The following AHCYL2 variants were observed in gnomAD, a reference collection of about 807,000 sequenced individuals.
The protein encoded by AHCYL2 is adenosylhomocysteinase like 2, also known as S-adenosylhomocysteine hydrolase-like protein 2.
In AHCYL2, 28 loss-of-function variants were observed where a neutral mutation model predicts 81.4. The observed-to-expected ratio is 0.34, with a 90% CI of 0.25 to 0.47. The LOEUF (loss-of-function observed/expected upper bound fraction) is 0.47, where lower values mean the gene tolerates loss of function less well. Ranked by LOEUF, AHCYL2 falls within the 20% of genes least tolerant of loss-of-function variation. AHCYL2 has a pLI of 1.00. For synonymous variants in AHCYL2, 272 were observed against 290.2 expected, an observed-to-expected ratio of 0.94 and a Z score of 0.64; for missense variants, 551 against 785.1, an observed-to-expected ratio of 0.70 and a Z score of 3.56.
chr7:129,335,327 A>T (rs977615650), intron 1 of AHCYL2, among the ~76,000 whole-genome samples: 4 of 151,966 alleles, frequency 2.6e-5, no homozygotes, highest in Non-Finnish European at 5.9e-5. Context: ...GAGCTATATG[A>T]TCACATACCT....
chr7:129,422,069 G>GT (rs1288466390), intron 12 of AHCYL2, among the ~76,000 whole-genome samples: 1 of 152,242 alleles, frequency 6.6e-6, no homozygotes, highest in East Asian at 1.9e-4. Context: ...GAAAGAAGGT[G>GT]TTGTCTTAAG....
At chr7:129,240,214 G>A (rs995477481) in intron 1 of AHCYL2, among the ~76,000 whole-genome samples, 20 of 150,454 alleles carry the variant, frequency 1.3e-4, no homozygotes, top group Admixed American at 6.0e-4. Context: ...AAAAAAATCC[G>A]CCTCAAAAAA....
intron 1 of AHCYL2, among the ~76,000 whole-genome samples, chr7:129,354,639 A>G (rs1349082356): frequency 6.6e-6 from 1 of 152,218 alleles, no homozygotes; most frequent in Non-Finnish European, 1.5e-5. Context: ...TTGCTCTTGC[A>G]ACCGAACATA....
At chr7:129,299,447 G>A (rs1797180944) in intron 1 of AHCYL2, among the ~76,000 whole-genome samples, 1 of 134,398 alleles carries the variant, frequency 7.4e-6, no homozygotes, top group Admixed American at 8.4e-5. Flanking sequence ...AGGCTGGAGT[G>A]CAGTGGCGCG....
intron 1 of AHCYL2, among the ~76,000 whole-genome samples, chr7:129,379,083 C>G (rs2150883430): frequency 6.6e-6 from 1 of 152,094 alleles, no homozygotes; most frequent in Admixed American, 6.6e-5. Context: ...GAGTTCGAGA[C>G]CAGCCTGGCC....
intron 1 of AHCYL2, among the ~76,000 whole-genome samples, chr7:129,348,403 CA>C (rs199660236): frequency 1.5e-4 from 22 of 145,452 alleles, no homozygotes; most frequent in East Asian, 6.1e-4. Flanking sequence ...ACCCCCCCCC[CA>C]CACACACACA....
At chr7:129,355,606 T>C (rs1005700126) in intron 1 of AHCYL2, among the ~76,000 whole-genome samples, 5 of 152,158 alleles carry the variant, frequency 3.3e-5, no homozygotes, top group Non-Finnish European at 5.9e-5. Flanking sequence ...TATATTTATT[T>C]TGGAGGACCT....
intron 1 of AHCYL2, among the ~76,000 whole-genome samples, chr7:129,281,098 C>T (rs1392830862): frequency 1.3e-5 from 2 of 151,970 alleles, no homozygotes; most frequent in Non-Finnish European, 2.9e-5. Context: ...CTCCTGACCT[C>T]ATGATCTGCC....
intron 1 of AHCYL2, chr7:129,375,879 A>C (rs918647542): frequency 2.3e-5 from 35 of 1,535,992 alleles, no homozygotes; most frequent in Middle Eastern, 3.3e-4. Flanking sequence ...TATGCTGGGC[A>C]GCAAGAAGAA....
intron 6 of AHCYL2, 128 bp from the exon 7 acceptor site, chr7:129,403,251 G>T (rs2150933697): frequency 1.3e-5 from 7 of 526,326 alleles, no homozygotes; most frequent in East Asian, 7.1e-5. Context: ...AAGTTACTTT[G>T]CATAACCATA....
chr7:129,256,554 C>CT (rs1554470581), intron 1 of AHCYL2, among the ~76,000 whole-genome samples: 1 of 132,264 alleles, frequency 7.6e-6, no homozygotes, highest in African/African-American at 2.9e-5. Context: ...CCCCCACCCC[C>CT]CCCCCGCCTT....
chr7:129,280,424 C>T lies in AHCYL2; in HGVS notation c.363+54985C>T, dbSNP rs147951414. 7.3e-4 allele frequency among the ~76,000 whole-genome samples: 111 copies of T among 152,252 alleles called. 1 individual carries two copies. The highest frequency in any genetic ancestry group is 2.6e-3 in the African/African-American group (108 of 41,568). On this transcript the variant is annotated intron_variant, in intron 1 of 16. Transcript: ENST00000325006. ...CCTGAAGCAATCCACCTGCCTTGGC[C>T]TCCCAAAGTGTTGGGATTACAAGCA... is the stretch of plus-strand genomic sequence containing the variant.
rs1284056486 is a variant in AHCYL2 at position 129,325,854 on chromosome 7, T to C, written c.364-53784T>C. ...CCGAATAGCTGGGACTACAGGCACG[T>C]GCCACTACGCCTGGCTAATTTTGTA... On this transcript the variant is annotated intron_variant, in intron 1 of 16. Transcript: ENST00000325006. 2.0e-5 allele frequency among the ~76,000 whole-genome samples: 3 copies of C among 152,056 alleles called. No homozygotes were observed. In the East Asian group the frequency reaches 5.8e-4, roughly 29 times the overall value.
intron 1 of AHCYL2, among the ~76,000 whole-genome samples, chr7:129,305,070 G>A (rs1797388863): frequency 1.3e-5 from 2 of 150,962 alleles, no homozygotes; most frequent in Admixed American, 1.3e-4. Context: ...TTAGATTTGT[G>A]GTTACCATGA....
intron 4 of AHCYL2, among the ~76,000 whole-genome samples, chr7:129,395,455 G>A (rs547840392): frequency 6.6e-6 from 1 of 152,214 alleles, no homozygotes; most frequent in East Asian, 1.9e-4. Context: ...GTGGGTCTTG[G>A]GCAAGACATA....
intron 11 of AHCYL2, chr7:129,410,429 C>G: frequency 6.6e-7 from 1 of 1,518,850 alleles, no homozygotes; most frequent in Non-Finnish European, 9.1e-7. Flanking sequence ...CAGGATTATC[C>G]TCAGCGTCCA....
At chr7:129,374,046 C>A (rs1338812283) in intron 1 of AHCYL2, among the ~76,000 whole-genome samples, 2 of 152,104 alleles carry the variant, frequency 1.3e-5, no homozygotes, top group Non-Finnish European at 2.9e-5. Context: ...GTGACTTGAT[C>A]AGGGCCCCAA....
intron 1 of AHCYL2, among the ~76,000 whole-genome samples, chr7:129,274,282 C>T (rs892755869): frequency 1.3e-5 from 2 of 152,138 alleles, no homozygotes; most frequent in African/African-American, 4.8e-5. Context: ...TAATTCAGAT[C>T]AGGAGGAACT....
intron 1 of AHCYL2, among the ~76,000 whole-genome samples, chr7:129,362,606 T>G (rs889419275): frequency 2.8e-5 from 4 of 144,402 alleles, no homozygotes; most frequent in South Asian, 2.3e-4. Flanking sequence ...TGTTTTTTTT[T>G]TTTTTTTTTT....
Sources: gnomAD v4.1 joint callset for allele counts (sites outside exome capture counted in the v4.1 genomes callset) on GRCh38, gnomAD v4.1.1 for gene constraint, MANE v1.5 for transcripts, NCBI Gene and HGNC (gene_info 2026-07-23, HGNC 2026-07-21) for gene names.